Variants in SLCO3A1 observed in about 807,000 individuals in gnomAD.
The protein encoded by SLCO3A1 is solute carrier organic anion transporter family member 3A1.
Under a neutral mutation model 63.1 loss-of-function variants are expected in SLCO3A1, and 27 were observed. The observed-to-expected ratio is 0.43, with a 90% CI of 0.32 to 0.59. SLCO3A1 has a LOEUF of 0.59. Ranked by LOEUF, SLCO3A1 falls within the 20% of genes least tolerant of loss-of-function variation. The pLI is 0.09. For synonymous variants in SLCO3A1, 473 were observed against 409.9 expected, an observed-to-expected ratio of 1.15 and a Z score of -1.86; for missense variants, 773 against 945.8, an observed-to-expected ratio of 0.82 and a Z score of 2.40.
chr15:92,027,856 C>G (rs540569835), intron 2 of SLCO3A1, among the ~76,000 whole-genome samples: 1 of 152,336 alleles, frequency 6.6e-6, no homozygotes, highest in South Asian at 2.1e-4. Flanking sequence ...GTGCACAAGT[C>G]TGCAGCTTGG....
At chr15:91,922,885 A>G (rs1318491523) in intron 2 of SLCO3A1, among the ~76,000 whole-genome samples, 1 of 152,206 alleles carries the variant, frequency 6.6e-6, no homozygotes, top group Non-Finnish European at 1.5e-5. Flanking sequence ...GCAGCCTGCT[A>G]GGAAACAGCC....
At chr15:92,006,029 C>T (rs906691927) in intron 2 of SLCO3A1, among the ~76,000 whole-genome samples, 2 of 152,158 alleles carry the variant, frequency 1.3e-5, no homozygotes, top group African/African-American at 4.8e-5. Context: ...ACCAGGTGTG[C>T]TCAGGCTGTG....
chr15:92,104,910 T>G (rs1023938653), intron 4 of SLCO3A1, among the ~76,000 whole-genome samples: 1 of 151,870 alleles, frequency 6.6e-6, no homozygotes, highest in Admixed American at 6.6e-5. Context: ...AATTTTGAAG[T>G]TGGCTTCCTT....
intron 1 of SLCO3A1, among the ~76,000 whole-genome samples, chr15:91,899,638 TC>T (rs1898101824): frequency 6.6e-6 from 1 of 152,158 alleles, no homozygotes; most frequent in South Asian, 2.1e-4. Context: ...TACCATAAAA[TC>T]CGTCCATGCT....
rs142062382 is a variant in SLCO3A1, at chr15:92,117,686, C to T, written c.1010-2779C>T. Reference sequence around the variant, plus strand: ...GTTGTGTGGCATGGCCGACAGGTCTCCTGCCACAGGTACACTACACCATCA... The same window carrying T: ...GTTGTGTGGCATGGCCGACAGGTCTTCTGCCACAGGTACACTACACCATCA... On this transcript the variant is annotated intron_variant, in intron 4 of 9. Coordinates refer to ENST00000318445, the MANE Select transcript of SLCO3A1 (RefSeq NM_013272.4). 1.7e-3 allele frequency among the ~76,000 whole-genome samples: 258 copies of T among 152,274 alleles called. 2 individuals carry two copies. The highest frequency in any genetic ancestry group is 5.9e-3 in the African/African-American group (245 of 41,542).
intron 2 of SLCO3A1, among the ~76,000 whole-genome samples, chr15:91,996,105 G>A (rs372739791): frequency 6.6e-5 from 10 of 152,198 alleles, no homozygotes; most frequent in African/African-American, 1.7e-4. Flanking sequence ...GATTATCAAT[G>A]TTAAAAAAGA....
In SLCO3A1 at chr15:91,957,116, A is replaced by ATAATATATAGTATATATATT. The variant is rs1271110657; in HGVS notation, c.646+40658_646+40659insTAATATATAGTATATATATT. On this transcript the variant is annotated intron_variant, in intron 2 of 9. Transcript: ENST00000318445. ...TAATATATATAATATATATATATAT[A>ATAATATATAGTATATATATT]ATATATATAATATATATACTATATA... Among the ~76,000 whole-genome samples, 5 of 11,884 alleles carry ATAATATATAGTATATATATT rather than the reference A, an allele frequency of 4.2e-4. 1 individual carries two copies. The African/African-American group carries it at 6.4e-3, about 15-fold the overall frequency. 7.8% of individuals were successfully genotyped at this position (11,884 alleles called of 152,430 possible). A position where few individuals can be genotyped will look rare whatever the true frequency, so the allele number is the denominator to read the frequency against.
intron 3 of SLCO3A1, among the ~76,000 whole-genome samples, chr15:92,095,384 T>G (rs917779487): frequency 3.3e-5 from 5 of 152,204 alleles, no homozygotes; most frequent in Non-Finnish European, 7.3e-5. Flanking sequence ...CTTTCCAAAC[T>G]AAAAGTTGGA....
At chr15:91,945,370 C>T (rs1022708641) in intron 2 of SLCO3A1, among the ~76,000 whole-genome samples, 1 of 150,128 alleles carries the variant, frequency 6.7e-6, no homozygotes, top group African/African-American at 2.5e-5. Flanking sequence ...ACGTGGCTGG[C>T]ACTGGATTCT....
intron 1 of SLCO3A1, among the ~76,000 whole-genome samples, chr15:91,896,698 A>T (rs913387629): frequency 1.3e-5 from 2 of 152,216 alleles, no homozygotes; most frequent in African/African-American, 2.4e-5. Flanking sequence ...TGGAACTGTG[A>T]GTCCATTAAA....
chr15:92,036,271 GTGC>G (rs1159565698), intron 2 of SLCO3A1, among the ~76,000 whole-genome samples: 1 of 151,788 alleles, frequency 6.6e-6, no homozygotes, highest in Non-Finnish European at 1.5e-5. Flanking sequence ...TGTAATATGT[GTGC>G]TGCTTTTGCC....
In SLCO3A1 at chr15:91,856,053, C is replaced by T. The variant is rs943152534; in HGVS notation, c.180+1965C>T. 2.6e-5 allele frequency among the ~76,000 whole-genome samples: 4 copies of T among 151,876 alleles called. No homozygotes were observed. Among genetic ancestry groups the T allele is most frequent in the Non-Finnish European group, 4.4e-5 (3 of 67,994 alleles). ...TAGCTCCTTTAGAAAGTTAAGAAGC[C>T]GAGTACTCCTGGAGTGGTGGACTTC... On this transcript the variant is annotated intron_variant, in intron 1 of 9. Transcript: ENST00000318445. The surrounding 1 kb of genome is among the most constrained non-coding windows in gnomAD (Gnocchi z 4.9).
At chr15:92,167,485 CTTTT>C (rs2048499689), downstream of SLCO3A1, among the ~76,000 whole-genome samples, 1 of 152,162 alleles carries the variant, frequency 6.6e-6, no homozygotes, top group Non-Finnish European at 1.5e-5. Flanking sequence ...ACCTTCCTTC[CTTTT>C]TTATTACACC....
At chr15:92,127,399 T>G (rs1363440109) in intron 6 of SLCO3A1, among the ~76,000 whole-genome samples, 2 of 152,208 alleles carry the variant, frequency 1.3e-5, no homozygotes, top group African/African-American at 4.8e-5. Flanking sequence ...CAGCGCCTCC[T>G]CTACCATTTA....
chr15:92,059,698 C>T (rs892467370), intron 2 of SLCO3A1, among the ~76,000 whole-genome samples: 1 of 152,114 alleles, frequency 6.6e-6, no homozygotes, highest in African/African-American at 2.4e-5. Flanking sequence ...AGGGCTGTAT[C>T]GATGCAGGGG....
At chr15:92,156,244 A>AGATAC (rs1435332876) in intron 9 of SLCO3A1, among the ~76,000 whole-genome samples, 1 of 152,134 alleles carries the variant, frequency 6.6e-6, no homozygotes, top group Non-Finnish European at 1.5e-5. Context: ...AGAGGGAGTG[A>AGATAC]GATACGGCGG....
In SLCO3A1 at chr15:91,879,569, C is replaced by T. The variant is rs75713717; in HGVS notation, c.180+25481C>T. The stretch of plus-strand genomic sequence containing the variant: ...CATTTGTATGGTTTTTAGGTTGCAA[C>T]AAAAATATGGCTGAAAACTAAGAAA... On this transcript the variant is annotated intron_variant, in intron 1 of 9. Transcript: ENST00000318445. Among the ~76,000 whole-genome samples the T allele has an allele frequency of 4.2e-3, 635 of 152,086 alleles. 4 individuals carry two copies. The highest frequency in any genetic ancestry group is 0.017 in the Middle Eastern group (5 of 294).
downstream of SLCO3A1, among the ~76,000 whole-genome samples, chr15:92,166,141 G>A (rs991933075): frequency 2.6e-5 from 4 of 152,174 alleles, no homozygotes; most frequent in African/African-American, 9.7e-5. Flanking sequence ...AGGGGACAGG[G>A]TTTGCTGTCT....
chr15:92,121,559 G>T (rs1029411165), intron 5 of SLCO3A1, among the ~76,000 whole-genome samples: 2 of 152,286 alleles, frequency 1.3e-5, no homozygotes, highest in African/African-American at 4.8e-5. Context: ...GTATTCAGCC[G>T]AGGGGTCAAG....
Sources: allele counts gnomAD v4.1 joint callset (sites outside exome capture counted in the v4.1 genomes callset), GRCh38; gene constraint gnomAD v4.1.1; non-coding constraint Gnocchi (gnomAD v3.1); transcripts MANE v1.5; gene names NCBI Gene and HGNC (gene_info 2026-07-23, HGNC 2026-07-21).